The following TNFSF8 variants were observed in gnomAD, a reference collection of about 807,000 sequenced individuals.
TNFSF8 encodes TNF superfamily member 8, also known as tumor necrosis factor ligand superfamily member 8.
Under a neutral mutation model 22.0 loss-of-function variants are expected in TNFSF8, and 4 were observed. That is an observed-to-expected ratio of 0.18 (90% CI 0.09 to 0.42). The LOEUF is 0.42. Ranked by LOEUF, TNFSF8 falls within the 10% of genes least tolerant of loss-of-function variation. The pLI, the probability that TNFSF8 is intolerant of heterozygous loss-of-function variation, is 1.00. For missense variants in TNFSF8, 233 were observed against 281.8 expected, an observed-to-expected ratio of 0.83 and a Z score of 1.24; for synonymous variants, 106 against 112.5, an observed-to-expected ratio of 0.94 and a Z score of 0.37.
chr9:114,915,863 T>A (rs1348941014), intron 2 of TNFSF8, among the ~76,000 whole-genome samples: 1 of 152,174 alleles, frequency 6.6e-6, no homozygotes, highest in Admixed American at 6.5e-5. Context: ...ACCAACCGAA[T>A]ATTATTAGCA....
intron 1 of TNFSF8, among the ~76,000 whole-genome samples, chr9:114,919,796 G>C (rs1186612161): frequency 6.6e-6 from 1 of 152,134 alleles, no homozygotes; most frequent in Non-Finnish European, 1.5e-5. Context: ...TTCCCTGGGA[G>C]GTCTGTCATT....
chr9:114,923,916 G>T (rs1379453745), intron 1 of TNFSF8, among the ~76,000 whole-genome samples: 1 of 152,008 alleles, frequency 6.6e-6, no homozygotes, highest in African/African-American at 2.4e-5. Flanking sequence ...AAAAAAAATG[G>T]GACAACCTGA....
In TNFSF8 at chr9:114,902,588, T is replaced by G. The variant is rs2131340205; in HGVS notation, c.*1343A>C. The G allele has an allele frequency of 1.0e-6, 1 of 985,426 alleles. No individual in the cohort carries two copies. The allele number at this position is 985,426 out of a possible 1,614,324, so 61.0% of individuals were successfully genotyped here. A position where few individuals can be genotyped will look rare whatever the true frequency, so the allele number is the denominator to read the frequency against. On this transcript the variant is annotated 3_prime_UTR_variant, in exon 4 of 4. Coordinates refer to ENST00000223795, the MANE Select transcript of TNFSF8 (RefSeq NM_001244.4). ...CTTGAGATCCTGCTGTTCACACCATTCAGCAGGGCACCCTGAACCTTGTCC... is the reference window on the plus strand; with the variant it reads ...CTTGAGATCCTGCTGTTCACACCATGCAGCAGGGCACCCTGAACCTTGTCC...
At chr9:114,901,112 T>A (rs1426945153), downstream of TNFSF8, 3 of 985,248 alleles carry the variant, frequency 3.0e-6, no homozygotes, top group Non-Finnish European at 3.6e-6. Flanking sequence ...GTTGAGTTTT[T>A]ACCAAAGAGG....
At chr9:114,918,404 C>T (rs866098469) in intron 1 of TNFSF8, among the ~76,000 whole-genome samples, 10 of 151,568 alleles carry the variant, frequency 6.6e-5, no homozygotes, top group Admixed American at 2.6e-4. Context: ...AAATGACTTG[C>T]CTAGGGCCAC....
At chr9:114,929,086 A>C (rs1325338043) in intron 1 of TNFSF8, among the ~76,000 whole-genome samples, 1 of 152,226 alleles carries the variant, frequency 6.6e-6, no homozygotes, top group Non-Finnish European at 1.5e-5. Flanking sequence ...CAAAAAATTC[A>C]TGAGCAATAT....
chr9:114,908,655 A>AC (rs113572518), intron 2 of TNFSF8, among the ~76,000 whole-genome samples: 2 of 151,924 alleles, frequency 1.3e-5, no homozygotes, highest in African/African-American at 4.8e-5. Flanking sequence ...GAAAAAAAAA[A>AC]CACCTTATTT....
At chr9:114,894,163 A>T in exon 5 of TNFSF8, 2 of 1,534,120 alleles carry the variant, frequency 1.3e-6, no homozygotes, top group Non-Finnish European at 1.7e-6. Flanking sequence ...TGCCACAGTA[A>T]TCTGGAAGAA....
At chr9:114,915,991 G>A (rs913055889) in intron 2 of TNFSF8, among the ~76,000 whole-genome samples, 1 of 152,126 alleles carries the variant, frequency 6.6e-6, no homozygotes, top group Non-Finnish European at 1.5e-5. Context: ...AAGTGATTTC[G>A]TCCATGGTTG....
intron 2 of TNFSF8, among the ~76,000 whole-genome samples, chr9:114,907,969 C>T (rs894874600): frequency 7.2e-5 from 11 of 152,250 alleles, no homozygotes; most frequent in Non-Finnish European, 1.2e-4. Flanking sequence ...GACTGCTGTC[C>T]GGGAGTTTGG....
chr9:114,915,705 A>G (rs1394501334), intron 2 of TNFSF8, among the ~76,000 whole-genome samples: 1 of 152,206 alleles, frequency 6.6e-6, no homozygotes, highest in Non-Finnish European at 1.5e-5. Context: ...TGGCTTGCTC[A>G]CAGGGTTGAG....
chr9:114,894,987 G>A (rs2131337177), intron 4 of TNFSF8, among the ~76,000 whole-genome samples: 1 of 152,316 alleles, frequency 6.6e-6, no homozygotes, highest in Non-Finnish European at 1.5e-5. Context: ...CTGGTAAAAT[G>A]AGACTCATTG....
intron 2 of TNFSF8, among the ~76,000 whole-genome samples, chr9:114,914,472 TG>T (rs1447702203): frequency 6.6e-5 from 10 of 152,168 alleles, no homozygotes; most frequent in Non-Finnish European, 1.2e-4. Flanking sequence ...CAAAATTTGG[TG>T]GAAGCAGAAA....
At chr9:114,908,045 C>T (rs1243814365) in intron 2 of TNFSF8, among the ~76,000 whole-genome samples, 2 of 152,166 alleles carry the variant, frequency 1.3e-5, no homozygotes, top group East Asian at 3.9e-4. Flanking sequence ...TTGGCACTTG[C>T]TGGGCTCTCT....
rs183736698 is a variant in TNFSF8 at position 114,923,158 on chromosome 9, T to C, written c.196-5020A>G. Among the ~76,000 whole-genome samples, 7 of 152,248 alleles carry C rather than the reference T, an allele frequency of 4.6e-5. No homozygotes were observed. The East Asian group carries it at 1.4e-3, about 29-fold the overall frequency. ...TTCTTCTCCTCTGTACAATCTGGAC[T>C]GACTTCTGGCCCTACCATTCCTCTC... is the stretch of plus-strand genomic sequence containing the variant. On this transcript the variant is annotated intron_variant, in intron 1 of 3. Transcript: ENST00000223795.
At position 114,930,067 on chromosome 9, in the gene TNFSF8, AAAC is replaced by A. The variant is rs750682898; in HGVS notation, c.195+39_195+41del. On this transcript the variant is annotated intron_variant, in intron 1 of 3. Coordinates refer to ENST00000223795, the MANE Select transcript of TNFSF8 (RefSeq NM_001244.4). Reference sequence around the variant, plus strand: ...GTTCCCAGGGCTCTTTCTCTCGGGAAAACAACAAGAAAAGGAAAGGGAGGAAGA... The same window carrying A: ...GTTCCCAGGGCTCTTTCTCTCGGGAAAACAAGAAAAGGAAAGGGAGGAAGA... The A allele has an allele frequency of 5.7e-6, 8 of 1,406,254 alleles. No homozygotes were observed. The African/African-American group carries it at 5.9e-5, about 10-fold the overall frequency. 87.1% of individuals were successfully genotyped at this position (1,406,254 alleles called of 1,614,324 possible).
chr9:114,901,051 G>C (rs1369353669), downstream of TNFSF8: 1 of 985,166 alleles, frequency 1.0e-6, no homozygotes, highest in African/African-American at 1.7e-5. Context: ...GTGTGTGTGT[G>C]TGTGGTGGGG....
At chr9:114,918,358 G>A (rs559371476) in intron 1 of TNFSF8, among the ~76,000 whole-genome samples, 3 of 152,042 alleles carry the variant, frequency 2.0e-5, no homozygotes, top group East Asian at 3.9e-4. Flanking sequence ...TACTGTCCCC[G>A]TTCCACAGGC....
downstream of TNFSF8, among the ~76,000 whole-genome samples, chr9:114,897,501 G>T (rs374080798): frequency 1.2e-4 from 19 of 152,254 alleles, no homozygotes; most frequent in East Asian, 3.1e-3. Flanking sequence ...GGGGTGAAGG[G>T]TAAAGTGTCA....
Sources: allele counts gnomAD v4.1 joint callset (sites outside exome capture counted in the v4.1 genomes callset), GRCh38; gene constraint gnomAD v4.1.1; transcripts MANE v1.5; gene names NCBI Gene and HGNC (gene_info 2026-07-23, HGNC 2026-07-21).